The following ROBO2 variants were observed in gnomAD, a reference collection of about 807,000 sequenced individuals.
The protein encoded by ROBO2 is roundabout guidance receptor 2.
ROBO2 carries 53 observed loss-of-function variants against 160.8 expected under a neutral mutation model. The observed-to-expected ratio is 0.33, with a 90% CI of 0.26 to 0.41. The LOEUF (loss-of-function observed/expected upper bound fraction) is 0.41. ROBO2 is among the 10% of genes least tolerant of loss of function. The pLI, the probability that ROBO2 is intolerant of heterozygous loss-of-function variation, is 1.00. For missense variants in ROBO2, 1,577 were observed against 1,722.4 expected (o/e 0.92, Z 1.49); for synonymous variants, 664 against 611.7 (o/e 1.09, Z -1.26).
chr3:76,580,661 A>C (rs889006116), intron 2 of ROBO2, among the ~76,000 whole-genome samples: 1 of 152,122 alleles, frequency 6.6e-6, no homozygotes, highest in Non-Finnish European at 1.5e-5. Flanking sequence ...TATCTGAAAA[A>C]TAGAGGCCCT....
At chr3:76,825,326 G>A (rs2066471460) in intron 2 of ROBO2, among the ~76,000 whole-genome samples, 1 of 152,098 alleles carries the variant, frequency 6.6e-6, no homozygotes, top group South Asian at 2.1e-4. Flanking sequence ...TAATGTGCTT[G>A]CTGTTTTATC....
intron 2 of ROBO2, among the ~76,000 whole-genome samples, chr3:76,541,653 A>T (rs1417007045): frequency 1.3e-5 from 2 of 152,206 alleles, no homozygotes; most frequent in East Asian, 3.9e-4. Flanking sequence ...GGCGTGGCAC[A>T]CGTAAGAGAG....
chr3:76,499,222 A>G (rs1367724894), intron 2 of ROBO2, among the ~76,000 whole-genome samples: 2 of 152,178 alleles, frequency 1.3e-5, no homozygotes, highest in Admixed American at 6.5e-5. Flanking sequence ...ATTTCTCCGC[A>G]ACATAAGGCT....
chr3:76,259,201 TAGG>T (rs1367633060), intron 2 of ROBO2, among the ~76,000 whole-genome samples: 1 of 152,056 alleles, frequency 6.6e-6, no homozygotes, highest in African/African-American at 2.4e-5. Flanking sequence ...TCAGGAAAAA[TAGG>T]AGAGAAAGTA....
intron 2 of ROBO2, among the ~76,000 whole-genome samples, chr3:76,726,564 TCTCCAC>T (rs1403666185): frequency 6.6e-6 from 1 of 152,182 alleles, no homozygotes; most frequent in African/African-American, 2.4e-5. Flanking sequence ...GAGTGAGTCC[TCTCCAC>T]CTCCACCAAC....
intron 2 of ROBO2, among the ~76,000 whole-genome samples, chr3:76,777,584 ATACCTT>A (rs2062356334): frequency 6.6e-6 from 1 of 150,498 alleles, no homozygotes; most frequent in African/African-American, 2.4e-5. Context: ...CGTTTTTTCT[ATACCTT>A]TGCCTTTCAG....
intron 2 of ROBO2, among the ~76,000 whole-genome samples, chr3:75,998,263 T>C (rs1318842873): frequency 6.6e-6 from 1 of 152,246 alleles, no homozygotes; most frequent in Non-Finnish European, 1.5e-5. Context: ...TGAATGTGTT[T>C]TGTTAATTTG....
intron 2 of ROBO2, among the ~76,000 whole-genome samples, chr3:76,567,759 CTGTCTGTGTGTGTGTG>C (rs1680525596): frequency 2.1e-5 from 1 of 47,676 alleles, no homozygotes; most frequent in African/African-American, 7.1e-5. Context: ...ATATATATAT[CTGTCTGTGTGTGTGTG>C]TGTGTGTGTG....
chr3:76,639,288 A>G (rs1372495313), intron 2 of ROBO2, among the ~76,000 whole-genome samples: 2 of 151,792 alleles, frequency 1.3e-5, no homozygotes, highest in Non-Finnish European at 2.9e-5. Context: ...ACATATAGGT[A>G]TATATGTATG....
chr3:77,649,680 A>AT (rs2095435844), exon 26 of ROBO2: 2 of 152,246 alleles, frequency 1.3e-5, no homozygotes, highest in African/African-American at 2.4e-5. Flanking sequence ...CAATTTACTA[A>AT]TTTTTTTAAA....
intron 2 of ROBO2, among the ~76,000 whole-genome samples, chr3:75,977,778 A>T (rs912230852): frequency 3.3e-5 from 5 of 151,536 alleles, no homozygotes; most frequent in African/African-American, 1.2e-4. Context: ...AAATTGCATT[A>T]TACATTATTT....
intron 2 of ROBO2, among the ~76,000 whole-genome samples, chr3:76,903,610 C>A (rs2075382928): frequency 6.6e-6 from 1 of 152,110 alleles, no homozygotes; most frequent in African/African-American, 2.4e-5. Context: ...TCCTTCCTCT[C>A]ACAAACTTCC....
intron 15 of ROBO2, 130 bp from the exon 17 acceptor site, chr3:77,579,817 A>C: frequency 3.7e-6 from 3 of 803,598 alleles, no homozygotes; most frequent in Non-Finnish European, 4.0e-6. Flanking sequence ...AGAAGATGTC[A>C]TTTGCAAAAC....
At chr3:77,475,999 A>G (rs2083951244) in intron 2 of ROBO2, among the ~76,000 whole-genome samples, 1 of 152,196 alleles carries the variant, frequency 6.6e-6, no homozygotes, top group Non-Finnish European at 1.5e-5. Flanking sequence ...GTGCTGAATT[A>G]TTTCTTACTG....
At chr3:75,920,032 C>G (rs1222086885) in intron 1 of ROBO2, among the ~76,000 whole-genome samples, 8 of 152,042 alleles carry the variant, frequency 5.3e-5, no homozygotes, top group Admixed American at 3.9e-4. Flanking sequence ...GTGTTTCTCT[C>G]CCATTCAGTT....
At chr3:77,070,051 GA>G (rs1353304778) in intron 1 of ROBO2, among the ~76,000 whole-genome samples, 4 of 152,070 alleles carry the variant, frequency 2.6e-5, no homozygotes, top group African/African-American at 9.7e-5. Context: ...GACACAAAGA[GA>G]ATCCATATGA....
intron 2 of ROBO2, among the ~76,000 whole-genome samples, chr3:77,311,040 G>T (rs531777829): frequency 2.7e-4 from 41 of 152,126 alleles, no homozygotes; most frequent in Middle Eastern, 3.4e-3. Flanking sequence ...TTGTGGGTAG[G>T]TTTAAATTTA....
At chr3:77,222,175 T>C (rs1377383453) in intron 2 of ROBO2, among the ~76,000 whole-genome samples, 2 of 152,172 alleles carry the variant, frequency 1.3e-5, no homozygotes, top group African/African-American at 4.8e-5. Context: ...TACACTATCT[T>C]ACTTTACCCT....
chr3:76,762,793 C>T (rs893610773), intron 2 of ROBO2, among the ~76,000 whole-genome samples: 3 of 151,774 alleles, frequency 2.0e-5, no homozygotes, highest in African/African-American at 4.8e-5. Flanking sequence ...GCAAGTGTAT[C>T]GCACTGAGGA....
Sources: gnomAD v4.1 joint callset for allele counts (sites outside exome capture counted in the v4.1 genomes callset) on GRCh38, gnomAD v4.1.1 for gene constraint, MANE v1.5 for transcripts, NCBI Gene and HGNC (gene_info 2026-07-23, HGNC 2026-07-21) for gene names.